Variants in GALNT13 observed in about 807,000 individuals in gnomAD.
GALNT13 encodes the protein UDP-GalNAc:polypeptide N-acetylgalactosaminyltransferase 13.
A neutral mutation model predicts 64.2 loss-of-function variants in GALNT13; 28 were observed. The ratio of observed to expected loss-of-function variants is 0.44; its 90% CI spans 0.32 to 0.60. The LOEUF (loss-of-function observed/expected upper bound fraction) is 0.60, where lower values mean the gene tolerates loss of function less well. Ranked by LOEUF, GALNT13 falls within the 20% of genes least tolerant of loss-of-function variation. The pLI is 0.05. For missense variants in GALNT13, 577 were observed against 669.8 expected, an observed-to-expected ratio of 0.86 and a Z score of 1.53; for synonymous variants, 214 against 224.6, an observed-to-expected ratio of 0.95 and a Z score of 0.42.
At chr2:153,400,862 C>T in the GALNT13 span, among the ~76,000 whole-genome samples, 61 of 151,894 alleles carry the variant, frequency 4.0e-4, no homozygotes, top group Non-Finnish European at 6.9e-4. Context: ...TTTGTTGATC[C>T]TTTCAAAAAA....
chr2:154,097,410 A>T (rs1702129900), intron 3 of GALNT13, among the ~76,000 whole-genome samples: 1 of 152,132 alleles, frequency 6.6e-6, no homozygotes, highest in Non-Finnish European at 1.5e-5. Context: ...TCAGCAACAG[A>T]TCCTGCTTAA....
rs553756317 is a variant in GALNT13, at chr2:154,109,361, A to T, written c.143-30976A>T. 5.5e-4 allele frequency among the ~76,000 whole-genome samples: 83 copies of T among 152,138 alleles called. No homozygotes were observed. The South Asian group carries it at 0.01, about 19-fold the overall frequency. Reference sequence around the variant, plus strand: ...TCCTGTAGCTTTACAGTATTTACATATTATTTCTAACAATATTTTTGGTGG... The same window carrying T: ...TCCTGTAGCTTTACAGTATTTACATTTTATTTCTAACAATATTTTTGGTGG... On this transcript the variant is annotated intron_variant, in intron 3 of 12. Coordinates refer to ENST00000392825, the MANE Select transcript of GALNT13 (RefSeq NM_052917.4).
the GALNT13 span, among the ~76,000 whole-genome samples, chr2:153,571,257 T>G: frequency 6.7e-4 from 102 of 152,110 alleles, no homozygotes; most frequent in African/African-American, 2.3e-3. Flanking sequence ...TTTTTCAGAT[T>G]GTCCACTGTT....
At chr2:154,143,030 C>T (rs1446719606) in intron 4 of GALNT13, among the ~76,000 whole-genome samples, 2 of 151,982 alleles carry the variant, frequency 1.3e-5, no homozygotes, top group Non-Finnish European at 2.9e-5. Context: ...GCAATGGTCC[C>T]CAACCTTTTG....
chr2:154,217,805 T>C (rs961304311), intron 4 of GALNT13, among the ~76,000 whole-genome samples: 1 of 152,174 alleles, frequency 6.6e-6, no homozygotes, highest in Non-Finnish European at 1.5e-5. Flanking sequence ...AAAAATATGC[T>C]GTCCTCACAA....
chr2:153,426,241 T>C, the GALNT13 span, among the ~76,000 whole-genome samples: 1 of 151,964 alleles, frequency 6.6e-6, no homozygotes, highest in South Asian at 2.1e-4. Context: ...TGATACTTGC[T>C]CAATTTCATA....
chr2:154,310,492 A>T (rs1693975121), intron 9 of GALNT13, among the ~76,000 whole-genome samples: 1 of 152,188 alleles, frequency 6.6e-6, no homozygotes, highest in Non-Finnish European at 1.5e-5. Context: ...CCTTAATATT[A>T]TGTCCTGCAG....
chr2:153,678,633 C>T, the GALNT13 span, among the ~76,000 whole-genome samples: 87 of 151,926 alleles, frequency 5.7e-4, no homozygotes, highest in African/African-American at 2.1e-3. Flanking sequence ...GCAATTTACT[C>T]AGGTAACAAA....
At chr2:153,440,110 C>A in the GALNT13 span, among the ~76,000 whole-genome samples, 1 of 151,770 alleles carries the variant, frequency 6.6e-6, no homozygotes, top group Non-Finnish European at 1.5e-5. Flanking sequence ...TAGCCCCCCA[C>A]CCCCAACAGG....
rs1182103352 is a variant in GALNT13 at position 154,095,082 on chromosome 2, A to G, written c.143-45255A>G. On this transcript the variant is annotated intron_variant, in intron 3 of 12. Transcript: ENST00000392825. ...TCTGTCTTTATCAGCTCTGCTTGAT[A>G]CATAATTGACTAATGTTAGAAATGT... Among the ~76,000 whole-genome samples the G allele has an allele frequency of 5.3e-5, 8 of 152,012 alleles. No homozygotes were observed. In the South Asian group the frequency reaches 8.3e-4, roughly 16 times the overall value.
At chr2:153,792,629 G>A in the GALNT13 span, among the ~76,000 whole-genome samples, 1 of 151,944 alleles carries the variant, frequency 6.6e-6, no homozygotes, top group African/African-American at 2.4e-5. Flanking sequence ...ATTTTTCCAG[G>A]CATGATTTTT....
intron 9 of GALNT13, among the ~76,000 whole-genome samples, chr2:154,336,928 C>G (rs1287865380): frequency 6.6e-6 from 1 of 151,856 alleles, no homozygotes; most frequent in Non-Finnish European, 1.5e-5. Context: ...TTTTCTGGTT[C>G]AATTTTTTGA....
the GALNT13 span, among the ~76,000 whole-genome samples, chr2:153,227,742 T>C: frequency 3.9e-5 from 6 of 152,204 alleles, no homozygotes; most frequent in African/African-American, 1.2e-4. Flanking sequence ...TGATGAAAGA[T>C]AGTCTTGGCT....
chr2:153,071,299 G>A, the GALNT13 span, among the ~76,000 whole-genome samples: 1 of 152,168 alleles, frequency 6.6e-6, no homozygotes, highest in East Asian at 1.9e-4. Flanking sequence ...GTTGGCAGAA[G>A]CAAATAATAA....
the GALNT13 span, among the ~76,000 whole-genome samples, chr2:153,634,940 C>T: frequency 0.15 from 22,541 of 151,714 alleles, 1,752 homozygotes; most frequent in South Asian, 0.18. Flanking sequence ...TCTCTCTTAC[C>T]TCTGGGAGGC....
chr2:153,701,863 T>A, the GALNT13 span, among the ~76,000 whole-genome samples: 1 of 151,978 alleles, frequency 6.6e-6, no homozygotes, highest in Non-Finnish European at 1.5e-5. Context: ...GAAACAGGAA[T>A]GCTTTTACAC....
At chr2:153,820,579 T>C in the GALNT13 span, among the ~76,000 whole-genome samples, 6 of 152,202 alleles carry the variant, frequency 3.9e-5, no homozygotes, top group African/African-American at 1.4e-4. Flanking sequence ...ATATTCAGCA[T>C]TCACACAAAA....
At chr2:154,060,617 A>T (rs1016395053) in intron 3 of GALNT13, among the ~76,000 whole-genome samples, 9 of 152,152 alleles carry the variant, frequency 5.9e-5, no homozygotes, top group African/African-American at 2.2e-4. Flanking sequence ...TAGGGCTCCC[A>T]AAGTGCTGGG....
the GALNT13 span, among the ~76,000 whole-genome samples, chr2:153,114,691 T>C: frequency 2.0e-5 from 3 of 152,132 alleles, no homozygotes; most frequent in African/African-American, 2.4e-5. Flanking sequence ...GGTGGAAAGA[T>C]GTAGCAAAGA....
Sources: gnomAD v4.1 joint callset for allele counts (sites outside exome capture counted in the v4.1 genomes callset) on GRCh38, gnomAD v4.1.1 for gene constraint, MANE v1.5 for transcripts, NCBI Gene and HGNC (gene_info 2026-07-23, HGNC 2026-07-21) for gene names.